Variants in CDK14 observed in about 807,000 individuals in gnomAD.
CDK14 encodes the protein cyclin dependent kinase 14.
In CDK14, 34 loss-of-function variants were observed where a neutral mutation model predicts 60.7. The observed-to-expected ratio is 0.56, with a 90% CI of 0.43 to 0.75. The LOEUF is 0.75. CDK14 is among the 30% of genes least tolerant of loss of function. CDK14 has a pLI of 0.00. For synonymous variants in CDK14, 197 were observed against 203.7 expected, an observed-to-expected ratio of 0.97 and a Z score of 0.28; for missense variants, 482 against 564.1, an observed-to-expected ratio of 0.85 and a Z score of 1.47.
At position 91,112,825 on chromosome 7, in the gene CDK14, G is replaced by GTA. The variant is rs542456428; in HGVS notation, c.1294+145_1294+146insAT. On this transcript the variant is annotated intron_variant, in intron 13 of 14. Transcript: ENST00000380050. ...GTATGTTTGTATGTGCATTACAGGT[G>GTA]TGTGTGTGTGTGTGTGTGTGTATGT... 9.6e-4 allele frequency: 601 copies of GTA among 624,892 alleles called. No individual in the cohort carries two copies. The African/African-American group carries it at 0.01, about 10-fold the overall frequency. The allele number at this position is 624,892 out of a possible 1,614,324, so 38.7% of individuals were successfully genotyped here.
intron 14 of CDK14, among the ~76,000 whole-genome samples, chr7:91,202,370 C>T (rs1452756354): frequency 6.6e-6 from 1 of 152,188 alleles, no homozygotes; most frequent in Non-Finnish European, 1.5e-5. Flanking sequence ...ATAAAAATGG[C>T]ATCCACTAAT....
At chr7:91,058,728 C>A (rs1797671158) in intron 11 of CDK14, among the ~76,000 whole-genome samples, 1 of 152,194 alleles carries the variant, frequency 6.6e-6, no homozygotes, top group Non-Finnish European at 1.5e-5. Flanking sequence ...ATATGTTGAA[C>A]CAGCCTTGCA....
At chr7:90,859,366 C>T (rs187807073) in intron 5 of CDK14, among the ~76,000 whole-genome samples, 17 of 152,302 alleles carry the variant, frequency 1.1e-4, no homozygotes, top group Admixed American at 3.9e-4. Context: ...AGTTCACCTT[C>T]GTGGAGGTAA....
At chr7:91,032,628 C>T (rs1308774055) in intron 10 of CDK14, among the ~76,000 whole-genome samples, 2 of 152,092 alleles carry the variant, frequency 1.3e-5, no homozygotes, top group Non-Finnish European at 1.5e-5. Context: ...CAAGTAATGC[C>T]AGCACCCACC....
At chr7:90,982,836 G>T (rs1795267566) in intron 9 of CDK14, among the ~76,000 whole-genome samples, 1 of 152,014 alleles carries the variant, frequency 6.6e-6, no homozygotes, top group Non-Finnish European at 1.5e-5. Context: ...GATAGCTCAT[G>T]GTGCTCATTA....
At chr7:90,679,080 G>T (rs1801261674) in intron 2 of CDK14, among the ~76,000 whole-genome samples, 1 of 152,114 alleles carries the variant, frequency 6.6e-6, no homozygotes, top group Admixed American at 6.6e-5. Context: ...CCCCCAAGTA[G>T]CTGGGACTAC....
At chr7:91,191,037 T>G (rs974266641) in intron 14 of CDK14, among the ~76,000 whole-genome samples, 1 of 152,170 alleles carries the variant, frequency 6.6e-6, no homozygotes, top group Non-Finnish European at 1.5e-5. Context: ...AGCCTAAGTT[T>G]ACTGATCCTC....
intron 5 of CDK14, among the ~76,000 whole-genome samples, chr7:90,811,069 C>T (rs965312046): frequency 1.1e-4 from 16 of 152,204 alleles, no homozygotes; most frequent in Admixed American, 2.0e-4. Context: ...TCAGTGCCAT[C>T]CCCATCAAGC....
At chr7:91,062,966 A>G (rs1225725780) in intron 11 of CDK14, among the ~76,000 whole-genome samples, 1 of 152,206 alleles carries the variant, frequency 6.6e-6, no homozygotes, top group Non-Finnish European at 1.5e-5. Flanking sequence ...AGTGAAAGGC[A>G]GGGCACAAAA....
rs113063256 is a variant in CDK14, at chr7:91,198,290, T to C, written c.*29-8875T>C. 8.8e-3 allele frequency among the ~76,000 whole-genome samples: 1,339 copies of C among 152,272 alleles called. 25 individuals are homozygous for C. The highest frequency in any genetic ancestry group is 0.029 in the African/African-American group (1,219 of 41,544). On this transcript the variant is annotated intron_variant, in intron 14 of 14. Coordinates refer to ENST00000380050, the MANE Select transcript of CDK14 (RefSeq NM_001287135.2). ...GGAAATAAGGTAAAGGGTAGTCCAC[T>C]TCAAATATATTGAACTTGATAAGCG...
intron 3 of CDK14, among the ~76,000 whole-genome samples, chr7:90,738,699 A>G (rs62469747): frequency 0.073 from 11,055 of 152,268 alleles, 508 homozygotes; most frequent in South Asian, 0.11. Context: ...ATAAGCAGAG[A>G]ATAGTTGTCC....
intron 6 of CDK14, among the ~76,000 whole-genome samples, chr7:90,875,196 C>T (rs934597895): frequency 6.6e-6 from 1 of 152,196 alleles, no homozygotes; most frequent in African/African-American, 2.4e-5. Flanking sequence ...GTACTTCATA[C>T]TTCCTTAAGA....
intron 2 of CDK14, among the ~76,000 whole-genome samples, chr7:90,700,992 G>A (rs748520761): frequency 6.6e-6 from 1 of 152,142 alleles, no homozygotes; most frequent in Non-Finnish European, 1.5e-5. Flanking sequence ...AGAAAATGTA[G>A]TTTACTTTAC....
intron 5 of CDK14, among the ~76,000 whole-genome samples, chr7:90,837,412 C>T (rs763157446): frequency 2.0e-4 from 30 of 151,756 alleles, no homozygotes; most frequent in African/African-American, 4.6e-4. Flanking sequence ...CTCAGCCTCC[C>T]GAGTAGCTGG....
chr7:90,792,736 C>G (rs981384940), intron 5 of CDK14, among the ~76,000 whole-genome samples: 5 of 152,288 alleles, frequency 3.3e-5, no homozygotes, highest in African/African-American at 7.2e-5. Context: ...CTTCTCTTGC[C>G]TTATTACTAT....
At chr7:90,629,330 A>T (rs1799943596) in intron 2 of CDK14, among the ~76,000 whole-genome samples, 1 of 152,154 alleles carries the variant, frequency 6.6e-6, no homozygotes, top group African/African-American at 2.4e-5. Flanking sequence ...TTTTGTATTG[A>T]CATAATTACT....
intron 10 of CDK14, among the ~76,000 whole-genome samples, chr7:91,005,101 C>G (rs995868931): frequency 6.6e-6 from 1 of 152,188 alleles, no homozygotes; most frequent in Non-Finnish European, 1.5e-5. Flanking sequence ...AGGCTGGTGG[C>G]GTGAGATTCC....
At chr7:90,946,646 C>T (rs1794109772) in intron 8 of CDK14, among the ~76,000 whole-genome samples, 1 of 152,098 alleles carries the variant, frequency 6.6e-6, no homozygotes, top group South Asian at 2.1e-4. Context: ...AAAGTAGTTG[C>T]CTATTTTTAT....
intron 4 of CDK14, among the ~76,000 whole-genome samples, chr7:90,782,401 C>A (rs549788854): frequency 2.0e-5 from 3 of 151,972 alleles, no homozygotes; most frequent in African/African-American, 7.3e-5. Context: ...AATTGAATAC[C>A]CTTTATTTCC....
Sources: allele counts gnomAD v4.1 joint callset (sites outside exome capture counted in the v4.1 genomes callset), GRCh38; gene constraint gnomAD v4.1.1; transcripts MANE v1.5; gene names NCBI Gene and HGNC (gene_info 2026-07-23, HGNC 2026-07-21).